Variants in ERBB4 observed in about 807,000 individuals in gnomAD.
ERBB4 encodes receptor tyrosine-protein kinase erbB-4.
In ERBB4, 42 loss-of-function variants were observed where a neutral mutation model predicts 158.0. The ratio of observed to expected loss-of-function variants is 0.27; its 90% CI spans 0.21 to 0.34. ERBB4 has a LOEUF of 0.34. Among genes scored for constraint, ERBB4 ranks in the 10% least tolerant of loss-of-function variants. The probability of loss-of-function intolerance (pLI) is 1.00; values close to 1 mark genes in which losing one functional copy is unlikely to be tolerated. For missense variants in ERBB4, 1,333 were observed against 1,624.1 expected (o/e 0.82, Z 3.08); for synonymous variants, 583 against 558.7 (o/e 1.04, Z -0.61).
intron 2 of ERBB4, among the ~76,000 whole-genome samples, chr2:211,962,927 CCTT>C (rs1255834331): frequency 6.6e-6 from 1 of 151,940 alleles, no homozygotes; most frequent in Non-Finnish European, 1.5e-5. Context: ...TAAACTAACA[CCTT>C]CTTTTTTACA....
rs1004895267 is a variant in ERBB4, at chr2:212,056,637, G to T, written c.234+68115C>A. 2.6e-5 allele frequency among the ~76,000 whole-genome samples: 4 copies of T among 152,296 alleles called. No homozygotes were observed. The East Asian group carries it at 7.7e-4, about 29-fold the overall frequency. On this transcript the variant is annotated intron_variant, in intron 2 of 27. Transcript: ENST00000342788. ...GAGACCAATATTCAACATTCTTAAAGAAAAGAATTTTCAACCCAGAATTTC... is the reference window on the plus strand; with the variant it reads ...GAGACCAATATTCAACATTCTTAAATAAAAGAATTTTCAACCCAGAATTTC...
At chr2:211,470,065 T>C (rs1409972093) in intron 20 of ERBB4, among the ~76,000 whole-genome samples, 1 of 151,816 alleles carries the variant, frequency 6.6e-6, no homozygotes, top group Non-Finnish European at 1.5e-5. Context: ...GACTTATAAT[T>C]AACAATTAAT....
intron 2 of ERBB4, among the ~76,000 whole-genome samples, chr2:211,956,752 C>T (rs115071531): frequency 9.8e-4 from 149 of 152,188 alleles, no homozygotes; most frequent in African/African-American, 3.3e-3. Context: ...ATTGGTACTA[C>T]ATAGCTCATA....
Position 211,375,927 on chromosome 2 carries a change from G to A in ERBB4, c.*7688C>T, listed in dbSNP as rs563168377. Reference sequence around the variant, plus strand: ...CAAAAGAGGATCCTTGAGAACTAACGGAAAAGCCTAATTACATAAATGTAA... The same window carrying A: ...CAAAAGAGGATCCTTGAGAACTAACAGAAAAGCCTAATTACATAAATGTAA... On this transcript the variant is annotated 3_prime_UTR_variant, in exon 28 of 28. Transcript: ENST00000342788. 3 of 232,400 alleles carry A rather than the reference G, an allele frequency of 1.3e-5. No individual in the cohort carries two copies. The highest frequency in any genetic ancestry group is 2.2e-5 in the African/African-American group (1 of 45,192). 14.4% of individuals were successfully genotyped at this position (232,400 alleles called of 1,614,324 possible). A position where few individuals can be genotyped will look rare whatever the true frequency, so the allele number is the denominator to read the frequency against.
intron 4 of ERBB4, among the ~76,000 whole-genome samples, chr2:211,780,654 G>C (rs925894051): frequency 6.6e-6 from 1 of 152,220 alleles, no homozygotes; most frequent in African/African-American, 2.4e-5. Flanking sequence ...CAGCTGAGCT[G>C]CCACTTGATC....
At chr2:211,823,623 T>G (rs975942997) in intron 3 of ERBB4, among the ~76,000 whole-genome samples, 2 of 152,038 alleles carry the variant, frequency 1.3e-5, no homozygotes, top group African/African-American at 4.8e-5. Context: ...TTAAAATATC[T>G]TCCTTATGCT....
At chr2:212,258,351 C>T (rs1479996354) in intron 1 of ERBB4, among the ~76,000 whole-genome samples, 1 of 151,530 alleles carries the variant, frequency 6.6e-6, no homozygotes, top group African/African-American at 2.4e-5. Flanking sequence ...AAAATTCAAA[C>T]TTGGTTTACC....
chr2:211,657,991 G>A, intron 15 of ERBB4, 163 bp from the exon 16 acceptor site: 2 of 1,598,264 alleles, frequency 1.3e-6, no homozygotes, highest in South Asian at 1.1e-5. Context: ...TTGAGCCTAT[G>A]CACCTGCAGA....
chr2:212,476,244 ATAACT>A (rs1267837191), intron 1 of ERBB4, among the ~76,000 whole-genome samples: 1 of 152,022 alleles, frequency 6.6e-6, no homozygotes, highest in Non-Finnish European at 1.5e-5. Flanking sequence ...TATAAATTTA[ATAACT>A]TAATAAAGTT....
intron 9 of ERBB4, among the ~76,000 whole-genome samples, chr2:211,706,492 G>A (rs987943967): frequency 6.6e-6 from 1 of 151,368 alleles, no homozygotes; most frequent in African/African-American, 2.4e-5. Flanking sequence ...CTTGAAAAGA[G>A]TATCAGTTCC....
chr2:211,831,236 G>A (rs1460226017), intron 3 of ERBB4, among the ~76,000 whole-genome samples: 1 of 152,086 alleles, frequency 6.6e-6, no homozygotes, highest in Non-Finnish European at 1.5e-5. Context: ...AGAGTTAAGT[G>A]GCTACTGGGA....
At chr2:212,147,157 A>ATTTTTTT (rs71397161) in intron 1 of ERBB4, among the ~76,000 whole-genome samples, 969 of 34,236 alleles carry the variant, frequency 0.028, 171 homozygotes, top group Middle Eastern at 0.048. Flanking sequence ...TGCCCAGCTA[A>ATTTTTTT]TTTTTTTTTT....
chr2:212,187,421 TAATAAATAAATA>T (rs71054181), intron 1 of ERBB4, among the ~76,000 whole-genome samples: 8,937 of 146,748 alleles, frequency 0.061, 305 homozygotes, highest in South Asian at 0.13. Context: ...TAAAGTATAA[TAATAAATAAATA>T]AATAAATAAA....
At position 211,725,120 on chromosome 2, in the gene ERBB4, C is replaced by G. The variant is rs2074224553; in HGVS notation, c.697G>C (p.Glu233Gln). Residue 233 changes from glutamate to glutamine, a missense_variant, in exon 6 of 28, where the codon GAA (glutamate) becomes CAA (glutamine). Glu to Gln is a conservative substitution (Grantham distance 29). Around this residue, in one of 5 missense-constraint regions of ERBB4, gnomAD observed 438 missense variants for 586.9 expected, o/e 0.75. Transcript: ENST00000342788. ...GPYVSDCCHR[E>Q]CAGGCSGPKD... ...GGTCCTGAGCAGCCTCCAGCACATTCTCGATGGCAGCAGTCACTGACGTAA... is the reference window on the plus strand; with the variant it reads ...GGTCCTGAGCAGCCTCCAGCACATTGTCGATGGCAGCAGTCACTGACGTAA... 1 of 1,614,098 alleles carries G rather than the reference C, an allele frequency of 6.2e-7. No individual in the cohort carries two copies. The highest frequency in any genetic ancestry group is 8.5e-7 in the Non-Finnish European group (1 of 1,179,988).
At chr2:211,505,589 A>AACAG (rs1054617133) in intron 20 of ERBB4, among the ~76,000 whole-genome samples, 1 of 151,976 alleles carries the variant, frequency 6.6e-6, no homozygotes, top group African/African-American at 2.4e-5. Context: ...CAAACAAACA[A>AACAG]ACAAACTATG....
intron 1 of ERBB4, among the ~76,000 whole-genome samples, chr2:212,514,882 G>C (rs562282028): frequency 3.3e-5 from 5 of 152,210 alleles, no homozygotes; most frequent in African/African-American, 9.6e-5. Flanking sequence ...CAGGGAGAAA[G>C]CAACAACATG....
At chr2:211,404,884 T>C (rs2063117466) in intron 25 of ERBB4, among the ~76,000 whole-genome samples, 1 of 152,104 alleles carries the variant, frequency 6.6e-6, no homozygotes, top group Admixed American at 6.5e-5. Flanking sequence ...GCCAAATTCA[T>C]GAAATCTGGA....
At chr2:211,881,523 T>C (rs1389591006) in intron 3 of ERBB4, among the ~76,000 whole-genome samples, 4 of 130,752 alleles carry the variant, frequency 3.1e-5, no homozygotes, top group Non-Finnish European at 6.1e-5. Context: ...TTAGCACATG[T>C]ATGACAAGAA....
intron 4 of ERBB4, among the ~76,000 whole-genome samples, chr2:211,782,567 G>A (rs147082807): frequency 2.0e-5 from 3 of 152,200 alleles, no homozygotes; most frequent in Non-Finnish European, 4.4e-5. Flanking sequence ...TAAATAAGTT[G>A]CCCTCTAAAA....
Sources: allele counts gnomAD v4.1 joint callset (sites outside exome capture counted in the v4.1 genomes callset), GRCh38; gene constraint gnomAD v4.1.1; regional missense constraint gnomAD v4.1.1; transcripts MANE v1.5; gene names NCBI Gene and HGNC (gene_info 2026-07-23, HGNC 2026-07-21).